LAMA2: variants seen among roughly 807,000 people sequenced by gnomAD.
LAMA2 encodes laminin subunit alpha-2.
LAMA2 carries 269 observed loss-of-function variants against 364.8 expected under a neutral mutation model. The ratio of observed to expected loss-of-function variants is 0.74; its 90% CI spans 0.67 to 0.82. The LOEUF is 0.82. Among genes scored for constraint, LAMA2 ranks in the 40% least tolerant of loss-of-function variants. The probability of loss-of-function intolerance (pLI) is 0.00; values close to 1 mark genes in which losing one functional copy is unlikely to be tolerated. For missense variants in LAMA2, 3,807 were observed against 3,873.2 expected, an observed-to-expected ratio of 0.98 and a Z score of 0.45; for synonymous variants, 1,379 against 1,370.6, an observed-to-expected ratio of 1.01 and a Z score of -0.14.
intron 1 of LAMA2, among the ~76,000 whole-genome samples, chr6:128,966,972 G>A (rs929266448): frequency 3.9e-5 from 6 of 152,184 alleles, no homozygotes; most frequent in Non-Finnish European, 8.8e-5. Context: ...AATACAGCTA[G>A]TGAAGGTCCA....
chr6:129,382,376 C>T (rs984667206), intron 34 of LAMA2, among the ~76,000 whole-genome samples: 8 of 152,138 alleles, frequency 5.3e-5, no homozygotes, highest in African/African-American at 1.7e-4. Context: ...ACCGTGAACA[C>T]GTTGAATGCA....
intron 1 of LAMA2, among the ~76,000 whole-genome samples, chr6:128,987,112 CT>C (rs1783294621): frequency 7.6e-6 from 1 of 130,792 alleles, no homozygotes; most frequent in Non-Finnish European, 1.7e-5. Context: ...GTCATTGCAT[CT>C]TTAGGATAGT....
At chr6:129,451,551 T>C (rs1583783265) in intron 45 of LAMA2, among the ~76,000 whole-genome samples, 1 of 152,284 alleles carries the variant, frequency 6.6e-6, no homozygotes, top group South Asian at 2.1e-4. Context: ...CAGAACACAG[T>C]GTCCTCTTCA....
chr6:129,171,273 T>A (rs926675833), intron 9 of LAMA2, among the ~76,000 whole-genome samples: 26 of 152,360 alleles, frequency 1.7e-4, no homozygotes, highest in Non-Finnish European at 2.9e-4. Context: ...CTAGCATCGA[T>A]GGTCTTTACA....
At chr6:129,166,670 C>T (rs888310360) in intron 9 of LAMA2, among the ~76,000 whole-genome samples, 1 of 152,042 alleles carries the variant, frequency 6.6e-6, no homozygotes, top group Admixed American at 6.6e-5. Context: ...TCTTCCCTAC[C>T]CCTTTTTGAG....
chr6:129,013,251 C>A lies in LAMA2; in HGVS notation c.113-36667C>A, dbSNP rs891324413. Among the ~76,000 whole-genome samples, 7 of 151,908 alleles carry A rather than the reference C, an allele frequency of 4.6e-5. No individual in the cohort carries two copies. The South Asian group carries it at 6.2e-4, about 14-fold the overall frequency. ...GAGATCGAGACCATCCTGGCTACCA[C>A]GGTGAAACCCCGTCTCTACTAAAAA... On this transcript the variant is annotated intron_variant, in intron 1 of 64. Transcript: ENST00000421865.
At chr6:128,883,518 T>A (rs189617421) in intron 1 of LAMA2, among the ~76,000 whole-genome samples, 161 bp downstream of exon 1, 4 of 152,212 alleles carry the variant, frequency 2.6e-5, no homozygotes, top group Admixed American at 2.6e-4. Flanking sequence ...TCAAGTTCAA[T>A]GCCATGAGAG....
intron 35 of LAMA2, among the ~76,000 whole-genome samples, chr6:129,383,848 CA>C (rs1236157088): frequency 6.6e-6 from 1 of 152,022 alleles, no homozygotes; most frequent in Middle Eastern, 3.2e-3. Context: ...ACTCGCCCCC[CA>C]AAAAAACCTA....
chr6:129,393,149 A>G lies in LAMA2; in HGVS notation c.5339A>G (p.Lys1780Arg). 6.2e-7 allele frequency: 1 copy of G among 1,614,110 alleles called. No individual in the cohort carries two copies. Among genetic ancestry groups the G allele is most frequent in the Non-Finnish European group, 8.5e-7 (1 of 1,179,978 alleles). ...CTCCGGGAAAAACTGGCTGACTACA[A>G]AAACAAAGTTGATGATGCTTGGGAC... ...KDLREKLADY[K>R]NKVDDAWDLL... The change falls in exon 37 of 65, where the codon AAA becomes AGA. Residue 1780 changes from lysine to arginine, a missense_variant. Transcript: ENST00000421865.
chr6:128,893,400 T>TTATGTATTAATATACATA (rs1441870465), intron 1 of LAMA2, among the ~76,000 whole-genome samples: 1 of 151,824 alleles, frequency 6.6e-6, no homozygotes, highest in South Asian at 2.1e-4. Context: ...ATTAATAATG[T>TTATGTATTAATATACATA]TATGTATTAA....
At chr6:129,209,654 T>G (rs961029080) in intron 12 of LAMA2, among the ~76,000 whole-genome samples, 1 of 152,182 alleles carries the variant, frequency 6.6e-6, no homozygotes, top group African/African-American at 2.4e-5. Context: ...TATGAAAGTC[T>G]CTCAAGTGCG....
intron 12 of LAMA2, among the ~76,000 whole-genome samples, chr6:129,242,077 C>G (rs549871346): frequency 6.6e-6 from 1 of 152,232 alleles, no homozygotes; most frequent in East Asian, 1.9e-4. Flanking sequence ...ATATTTAGCA[C>G]TTTAGGCCAT....
intron 1 of LAMA2, among the ~76,000 whole-genome samples, chr6:129,035,306 T>C (rs1290577848): frequency 3.3e-5 from 5 of 150,964 alleles, no homozygotes; most frequent in African/African-American, 1.2e-4. Context: ...CTTTTCTTTT[T>C]TTTTTTTTTA....
At chr6:129,278,573 C>G (rs1246972108) in intron 17 of LAMA2, among the ~76,000 whole-genome samples, 2 of 152,120 alleles carry the variant, frequency 1.3e-5, no homozygotes, top group African/African-American at 4.8e-5. Flanking sequence ...GAAAATCACC[C>G]ATAGTGAACT....
intron 12 of LAMA2, among the ~76,000 whole-genome samples, chr6:129,234,033 C>T (rs192304257): frequency 5.3e-5 from 8 of 152,110 alleles, no homozygotes; most frequent in Admixed American, 2.0e-4. Flanking sequence ...AGGTTAAGAG[C>T]GGCTTTGCCT....
chr6:129,267,270 C>G (rs755799765), intron 16 of LAMA2, 51 bp downstream of exon 16: 11 of 1,183,948 alleles, frequency 9.3e-6, no homozygotes, highest in Admixed American at 1.7e-5. Flanking sequence ...GAAATCACCT[C>G]GACAGATGCT....
chr6:129,489,846 T>A (rs1418038258), intron 56 of LAMA2, among the ~76,000 whole-genome samples: 1 of 152,046 alleles, frequency 6.6e-6, no homozygotes, highest in African/African-American at 2.4e-5. Flanking sequence ...AAAAAAATCT[T>A]AAACCCACAT....
At chr6:129,385,974 C>T (rs747160988) in intron 35 of LAMA2, among the ~76,000 whole-genome samples, 1 of 152,134 alleles carries the variant, frequency 6.6e-6, no homozygotes, top group African/African-American at 2.4e-5. Flanking sequence ...CCCTGCTACG[C>T]GTAGTCTACT....
intron 22 of LAMA2, among the ~76,000 whole-genome samples, chr6:129,307,038 T>C (rs1352940368): frequency 6.6e-6 from 1 of 152,156 alleles, no homozygotes; most frequent in Non-Finnish European, 1.5e-5. Flanking sequence ...ATACTTTTCA[T>C]TGTTGTGTAT....
Sources: allele counts gnomAD v4.1 joint callset (sites outside exome capture counted in the v4.1 genomes callset), GRCh38; gene constraint gnomAD v4.1.1; transcripts MANE v1.5; gene names NCBI Gene and HGNC (gene_info 2026-07-23, HGNC 2026-07-21).